The following TMEM178B variants were observed in gnomAD, a reference collection of about 807,000 sequenced individuals.
The protein encoded by TMEM178B is transmembrane protein 178B.
TMEM178B carries 5 observed loss-of-function variants against 31.0 expected under a neutral mutation model. The observed-to-expected ratio is 0.16, with a 90% CI of 0.08 to 0.34. The LOEUF is 0.34. TMEM178B is among the 10% of genes least tolerant of loss of function. The pLI is 1.00. For missense variants in TMEM178B, 275 were observed against 400.3 expected (o/e 0.69, Z 2.67); for synonymous variants, 164 against 164.0 (o/e 1.00, Z 0.00).
intron 2 of TMEM178B, among the ~76,000 whole-genome samples, chr7:141,280,288 G>T (rs1357654175): frequency 6.6e-6 from 1 of 152,070 alleles, no homozygotes; most frequent in African/African-American, 2.4e-5. Flanking sequence ...GTGTCTCTGG[G>T]CACCTGATAT....
chr7:141,334,308 C>T (rs1377689700), intron 2 of TMEM178B, among the ~76,000 whole-genome samples: 3 of 152,128 alleles, frequency 2.0e-5, no homozygotes, highest in Non-Finnish European at 4.4e-5. Context: ...GTATGTGGGC[C>T]TCTGTTATCT....
chr7:141,347,537 T>C (rs1422710635), intron 2 of TMEM178B, among the ~76,000 whole-genome samples: 1 of 152,056 alleles, frequency 6.6e-6, no homozygotes, highest in Admixed American at 6.5e-5. Context: ...TGTGCAAAAA[T>C]ACTTATCTTT....
At chr7:141,447,750 C>T (rs960074707) in intron 3 of TMEM178B, among the ~76,000 whole-genome samples, 3 of 152,080 alleles carry the variant, frequency 2.0e-5, no homozygotes, top group Non-Finnish European at 4.4e-5. Context: ...GCATGTGCCC[C>T]CTGAAGGTGT....
At position 141,377,594 on chromosome 7, in the gene TMEM178B, C is replaced by T. The variant is rs533785608; in HGVS notation, c.497-60014C>T. ...GCTAAGACAGGAGAATCACTGGAAC[C>T]CAGGAGGTGGAAGTTGCAGTGAGCC... is the stretch of plus-strand genomic sequence containing the variant. On this transcript the variant is annotated intron_variant, in intron 2 of 3. Transcript: ENST00000565468. Among the ~76,000 whole-genome samples the T allele has an allele frequency of 4.8e-4, 73 of 151,952 alleles. 1 individual carries two copies. Among genetic ancestry groups the T allele is most frequent in the African/African-American group, 1.7e-3 (69 of 41,466 alleles).
At chr7:141,138,764 C>T (rs1189204202) in intron 1 of TMEM178B, among the ~76,000 whole-genome samples, 7 of 151,606 alleles carry the variant, frequency 4.6e-5, no homozygotes, top group African/African-American at 9.7e-5. Flanking sequence ...GGGTGGATCA[C>T]GAGGTCAGGA....
chr7:141,178,801 T>C (rs1796473015), intron 1 of TMEM178B, among the ~76,000 whole-genome samples: 1 of 152,210 alleles, frequency 6.6e-6, no homozygotes, highest in African/African-American at 2.4e-5. Flanking sequence ...TGCCGGCTTT[T>C]AGCAGTAGTT....
rs1382214205 is a variant in TMEM178B at position 141,167,398 on chromosome 7, C to G, written c.383-45193C>G. 2.0e-5 allele frequency among the ~76,000 whole-genome samples: 3 copies of G among 152,262 alleles called. No individual in the cohort carries two copies. The East Asian group carries it at 5.8e-4, about 29-fold the overall frequency. ...CTCAGCATCCTGGGGCCCTCAGTAG[C>G]AAGTTGGCATGAGGTAGTCACTGTG... is the stretch of plus-strand genomic sequence containing the variant. On this transcript the variant is annotated intron_variant, in intron 1 of 3. Transcript: ENST00000565468.
At chr7:141,508,675 G>GGCA in the TMEM178B span, among the ~76,000 whole-genome samples, 65 of 152,248 alleles carry the variant, frequency 4.3e-4, no homozygotes, top group Middle Eastern at 3.4e-3. Flanking sequence ...CTTACATGGT[G>GGCA]GCAGCAAGAG....
Position 141,476,441 on chromosome 7 carries a change from A to T in TMEM178B, c.*5655A>T, listed in dbSNP as rs1486806889. On this transcript the variant is annotated 3_prime_UTR_variant, in exon 4 of 4. Transcript: ENST00000565468. ...CAAGGCACATGGTCAATGCCTTAGT[A>T]TTTTTTTTTTTAATTCTCCTAACGT... 6 of 148,208 alleles carry T rather than the reference A, an allele frequency of 4.0e-5. No individual in the cohort carries two copies. The highest frequency in any genetic ancestry group is 6.0e-5 in the Non-Finnish European group (4 of 66,722). The allele number at this position is 148,208 out of a possible 1,614,324, so 9.2% of individuals were successfully genotyped here. A position where few individuals can be genotyped will look rare whatever the true frequency, so the allele number is the denominator to read the frequency against.
chr7:141,206,425 C>T (rs1290577333), intron 1 of TMEM178B, among the ~76,000 whole-genome samples: 1 of 152,168 alleles, frequency 6.6e-6, no homozygotes. Context: ...TCCAACCTGG[C>T]CTCTGTCTTC....
In TMEM178B at chr7:141,212,645, C is replaced by A; in HGVS notation, c.437C>A (p.Pro146His). ...TACCACTACTCCTCAGCAACCATCC[C>A]CAGGAACCTCACTTTCAATATCACG... Reference protein sequence around the residue: ...IKYHYSSATIPRNLTFNITKT... With the variant: ...IKYHYSSATIHRNLTFNITKT... Residue 146 changes from proline to histidine, a missense_variant, in exon 2 of 4, where the codon CCC (proline) becomes CAC (histidine). Pro to His is a moderately conservative substitution (Grantham distance 77). Transcript: ENST00000565468. The A allele has an allele frequency of 6.5e-7, 1 of 1,536,086 alleles. No individual in the cohort carries two copies. The highest frequency in any genetic ancestry group is 8.7e-7 in the Non-Finnish European group (1 of 1,146,898).
At chr7:141,446,649 C>A (rs1299668282) in intron 3 of TMEM178B, among the ~76,000 whole-genome samples, 2 of 152,246 alleles carry the variant, frequency 1.3e-5, no homozygotes, top group East Asian at 3.9e-4. Flanking sequence ...GAGAACCAGT[C>A]CAGGACCAAA....
chr7:141,335,589 A>G (rs773394702), intron 2 of TMEM178B, among the ~76,000 whole-genome samples: 1 of 152,168 alleles, frequency 6.6e-6, no homozygotes, highest in Admixed American at 6.5e-5. Context: ...TGAGAAGCTC[A>G]TGAAAACAGT....
In TMEM178B at chr7:141,470,681, C is replaced by T. The variant is rs959322824; in HGVS notation, c.780C>T (p.Gly260=). Residue 260 remains glycine (G), a synonymous_variant, in exon 4 of 4, where the codon GGC becomes GGT. Transcript: ENST00000565468. ...TGTTCTGTGCATGGGGGGGCCTGGG[C>T]CTCACACTCATCTCGGGATTCTTCT... ...WSMFCAWGGL[G]LTLISGFFCT... 3.9e-6 allele frequency: 6 copies of T among 1,535,656 alleles called. No homozygotes were observed. In the African/African-American group the frequency reaches 4.1e-5, roughly 11 times the overall value.
At chr7:141,363,316 T>TTCTG (rs1196811156) in intron 2 of TMEM178B, among the ~76,000 whole-genome samples, 2 of 152,208 alleles carry the variant, frequency 1.3e-5, no homozygotes. Context: ...ACATCACACA[T>TTCTG]CACTTTCTTC....
At chr7:141,200,920 A>G (rs17161985) in intron 1 of TMEM178B, among the ~76,000 whole-genome samples, 9,759 of 152,184 alleles carry the variant, frequency 0.064, 956 homozygotes, top group African/African-American at 0.21. Context: ...AGATTTTAGC[A>G]ATGGCTTGGC....
At chr7:141,119,211 G>A (rs75254693) in intron 1 of TMEM178B, among the ~76,000 whole-genome samples, 4,322 of 152,314 alleles carry the variant, frequency 0.028, 92 homozygotes, top group Non-Finnish European at 0.045. Context: ...CCTGACCCAT[G>A]AGGGTGCTGG....
intron 1 of TMEM178B, among the ~76,000 whole-genome samples, chr7:141,167,375 C>G (rs1469550263): frequency 6.6e-6 from 1 of 152,258 alleles, no homozygotes; most frequent in African/African-American, 2.4e-5. Context: ...TTGCGTATCT[C>G]AGCATCCTGG....
At chr7:141,410,231 G>T (rs1271136486) in intron 2 of TMEM178B, among the ~76,000 whole-genome samples, 7 of 152,208 alleles carry the variant, frequency 4.6e-5, no homozygotes, top group Non-Finnish European at 4.4e-5. Flanking sequence ...TCTGCGTAAT[G>T]AGCCTCTCAG....
Sources: gnomAD v4.1 joint callset for allele counts (sites outside exome capture counted in the v4.1 genomes callset) on GRCh38, gnomAD v4.1.1 for gene constraint, MANE v1.5 for transcripts, NCBI Gene and HGNC (gene_info 2026-07-23, HGNC 2026-07-21) for gene names.